The following STARD13 variants were observed in gnomAD, a reference collection of about 807,000 sequenced individuals.
STARD13 encodes StAR related lipid transfer domain containing 13.
STARD13 carries 62 observed loss-of-function variants against 106.4 expected under a neutral mutation model. The observed-to-expected ratio is 0.58, with a 90% CI of 0.48 to 0.72. The LOEUF is 0.72. Ranked by LOEUF, STARD13 falls within the 30% of genes least tolerant of loss-of-function variation. The pLI, the probability that STARD13 is intolerant of heterozygous loss-of-function variation, is 0.00. For synonymous variants in STARD13, 565 were observed against 553.0 expected, an observed-to-expected ratio of 1.02 and a Z score of -0.31; for missense variants, 1,387 against 1,424.0, an observed-to-expected ratio of 0.97 and a Z score of 0.42.
At chr13:33,266,576 C>T (rs2138343085) in intron 1 of STARD13, among the ~76,000 whole-genome samples, 1 of 152,288 alleles carries the variant, frequency 6.6e-6, no homozygotes, top group Admixed American at 6.5e-5. Context: ...CTAAATTGCT[C>T]AAGTCATACT....
At chr13:33,336,565 G>A (rs990981207) in intron 1 of STARD13, 1 of 152,106 alleles carries the variant, frequency 6.6e-6, no homozygotes, top group African/African-American at 2.4e-5. Context: ...GCCAGCCCAG[G>A]CAACATGGCG....
chr13:33,315,317 T>C (rs577522547), intron 1 of STARD13, among the ~76,000 whole-genome samples: 1 of 152,342 alleles, frequency 6.6e-6, no homozygotes, highest in South Asian at 2.1e-4. Context: ...AGAGAAAGAT[T>C]AGCAGGAATA....
At position 33,306,928 on chromosome 13, in the gene STARD13, C is replaced by T. The variant is rs952610577; in HGVS notation, c.124+43362G>A. On this transcript the variant is annotated intron_variant, in intron 1 of 5. Transcript: ENST00000567873. ...TTGTGCCACTGCACTCCAGCCTGTGCGACAGAGTGAGACTCCTTCTCAAAA... is the reference window on the plus strand; with the variant it reads ...TTGTGCCACTGCACTCCAGCCTGTGTGACAGAGTGAGACTCCTTCTCAAAA... 3.0e-4 allele frequency among the ~76,000 whole-genome samples: 45 copies of T among 150,256 alleles called. 1 individual carries two copies. The highest frequency in any genetic ancestry group is 8.1e-4 in the African/African-American group (33 of 40,742).
chr13:33,282,279 G>A lies in STARD13; in HGVS notation c.169+3191C>T, dbSNP rs1024045064. Among the ~76,000 whole-genome samples the A allele has an allele frequency of 3.9e-5, 6 of 152,220 alleles. No individual in the cohort carries two copies. In the South Asian group the frequency reaches 1.2e-3, roughly 32 times the overall value. The stretch of plus-strand genomic sequence containing the variant: ...TAAACATCTCCTCTCTTTTGAAATG[G>A]AATTGCAACCCCAGAACTAAAAAAC... On this transcript the variant is annotated intron_variant, in intron 1 of 13. Coordinates refer to ENST00000336934, the MANE Select transcript of STARD13 (RefSeq NM_178006.4).
intron 4 of STARD13, among the ~76,000 whole-genome samples, chr13:33,136,614 A>G (rs1468461599): frequency 6.6e-6 from 1 of 151,960 alleles, no homozygotes; most frequent in Non-Finnish European, 1.5e-5. Context: ...GCTTTTTTGC[A>G]CACTCATAAA....
At chr13:33,568,245 A>G in the STARD13 span, among the ~76,000 whole-genome samples, 16 of 147,960 alleles carry the variant, frequency 1.1e-4, 1 homozygote, top group East Asian at 3.0e-3. Flanking sequence ...ATCAAGATAA[A>G]GACACCAGTC....
the STARD13 span, among the ~76,000 whole-genome samples, chr13:33,651,338 A>G: frequency 6.6e-6 from 1 of 152,246 alleles, no homozygotes; most frequent in East Asian, 1.9e-4. Flanking sequence ...GTTGTAAGAC[A>G]TCAAAGAAAA....
At chr13:33,218,895 T>C (rs1027815657) in intron 1 of STARD13, among the ~76,000 whole-genome samples, 5 of 152,210 alleles carry the variant, frequency 3.3e-5, no homozygotes, top group Non-Finnish European at 7.3e-5. Flanking sequence ...TTGGTTATGC[T>C]GAACAACACG....
At chr13:33,267,734 G>T (rs151295088) in intron 1 of STARD13, among the ~76,000 whole-genome samples, 98 of 152,328 alleles carry the variant, frequency 6.4e-4, no homozygotes, top group East Asian at 2.3e-3. Flanking sequence ...TTTTGAGTTT[G>T]GCAAAACGTA....
intron 4 of STARD13, among the ~76,000 whole-genome samples, chr13:33,132,573 T>G (rs1208458599): frequency 6.6e-6 from 1 of 152,162 alleles, no homozygotes; most frequent in Non-Finnish European, 1.5e-5. Context: ...AAAAATGGAC[T>G]AATACAGTGG....
chr13:33,365,214 G>A, the STARD13 span, among the ~76,000 whole-genome samples: 1 of 152,308 alleles, frequency 6.6e-6, no homozygotes, highest in Admixed American at 6.5e-5. Flanking sequence ...GGGGGAGTCT[G>A]TGGGGAAGGG....
At chr13:33,236,608 A>T (rs1363804236) in intron 1 of STARD13, among the ~76,000 whole-genome samples, 1 of 152,220 alleles carries the variant, frequency 6.6e-6, no homozygotes, top group Non-Finnish European at 1.5e-5. Context: ...AATGCTGAGC[A>T]TAAGGAAGCC....
chr13:33,348,870 G>A, exon 2 of STARD13: 2 of 411,554 alleles, frequency 4.9e-6, no homozygotes, highest in South Asian at 3.1e-5. Context: ...GAGAGAAAAT[G>A]TGGAATGAAC....
chr13:33,126,455 C>T (rs540299069), intron 6 of STARD13, among the ~76,000 whole-genome samples: 15 of 152,296 alleles, frequency 9.8e-5, no homozygotes, highest in Admixed American at 3.3e-4. Flanking sequence ...GCATGAGTCA[C>T]GTTCCCAGAA....
chr13:33,246,701 T>TAAAACA (rs1311662780), intron 1 of STARD13, among the ~76,000 whole-genome samples: 1 of 151,576 alleles, frequency 6.6e-6, no homozygotes, highest in Non-Finnish European at 1.5e-5. Context: ...TTGATGACCA[T>TAAAACA]AAAACAAAAA....
the STARD13 span, among the ~76,000 whole-genome samples, chr13:33,621,162 AAATT>A: frequency 6.6e-6 from 1 of 151,872 alleles, no homozygotes; most frequent in East Asian, 1.9e-4. Flanking sequence ...ACAATAAAGA[AAATT>A]AATAAAGTCA....
intron 1 of STARD13, among the ~76,000 whole-genome samples, chr13:33,266,574 C>T (rs920948786): frequency 6.6e-6 from 1 of 152,116 alleles, no homozygotes; most frequent in African/African-American, 2.4e-5. Context: ...TTCTAAATTG[C>T]TCAAGTCATA....
At chr13:33,274,178 A>G (rs1385979459) in intron 1 of STARD13, 1 of 151,770 alleles carries the variant, frequency 6.6e-6, no homozygotes, top group African/African-American at 2.4e-5. Context: ...CCTCAAATTC[A>G]TGTGTTGAAG....
At chr13:33,122,880 C>A (rs533325873) in intron 7 of STARD13, among the ~76,000 whole-genome samples, 2 of 151,926 alleles carry the variant, frequency 1.3e-5, no homozygotes, top group East Asian at 3.9e-4. Context: ...CATGGTGAAA[C>A]CCTATCTCTA....
Sources: allele counts gnomAD v4.1 joint callset (sites outside exome capture counted in the v4.1 genomes callset), GRCh38; gene constraint gnomAD v4.1.1; transcripts MANE v1.5; gene names NCBI Gene and HGNC (gene_info 2026-07-23, HGNC 2026-07-21).